Variants in IL1RAPL2 observed in about 807,000 individuals in gnomAD.
IL1RAPL2 encodes the protein interleukin 1 receptor accessory protein like 2.
Under a neutral mutation model 44.1 loss-of-function variants are expected in IL1RAPL2, and 3 were observed. The observed-to-expected ratio is 0.07, with a 90% CI of 0.03 to 0.18. The LOEUF is 0.18. IL1RAPL2 is among the 10% of genes least tolerant of loss of function. The pLI, the probability that IL1RAPL2 is intolerant of heterozygous loss-of-function variation, is 1.00. For missense variants in IL1RAPL2, 391 were observed against 496.4 expected (o/e 0.79, Z 2.02); for synonymous variants, 181 against 178.8 (o/e 1.01, Z -0.10).
chrX:105,218,796 C>A, intron 3 of IL1RAPL2: 1 of 461,641 alleles, frequency 2.2e-6, no homozygotes, highest in Non-Finnish European at 3.7e-6. Flanking sequence ...CAGTCACCAC[C>A]CCTATCTCTG....
intron 6 of IL1RAPL2, among the ~76,000 whole-genome samples, chrX:105,654,575 C>T (rs988831170): frequency 8.9e-6 from 1 of 111,829 alleles, no homozygotes; most frequent in Non-Finnish European, 1.9e-5. Context: ...TGACTATTTT[C>T]AGTCAGAATA....
chrX:105,270,756 G>T (rs773358684), intron 5 of IL1RAPL2, among the ~76,000 whole-genome samples: 1 of 111,686 alleles, frequency 9.0e-6, no homozygotes, highest in Admixed American at 9.6e-5. Flanking sequence ...TTAACAAGCA[G>T]ATTGTCTTCT....
chrX:105,240,367 G>A (rs1450675753), intron 4 of IL1RAPL2, among the ~76,000 whole-genome samples: 1 of 112,344 alleles, frequency 8.9e-6, no homozygotes, highest in African/African-American at 3.2e-5. Flanking sequence ...TACAATTTTG[G>A]TATTGGCTGA....
At chrX:105,465,703 A>G (rs1313982191) in intron 5 of IL1RAPL2, among the ~76,000 whole-genome samples, 1 of 111,899 alleles carries the variant, frequency 8.9e-6, no homozygotes, top group African/African-American at 3.2e-5. Flanking sequence ...AAGGACTAAG[A>G]AAATAATAAT....
At chrX:104,571,053 C>T (rs1044302208) in intron 1 of IL1RAPL2, among the ~76,000 whole-genome samples, 1 of 110,725 alleles carries the variant, frequency 9.0e-6, no homozygotes, top group Non-Finnish European at 1.9e-5. Context: ...ATCACTACCT[C>T]GTGCATCCTG....
intron 3 of IL1RAPL2, chrX:105,220,178 A>G: frequency 8.3e-7 from 1 of 1,211,133 alleles, no homozygotes; most frequent in Non-Finnish European, 1.1e-6. Flanking sequence ...CGCACTCCCA[A>G]GGCCAGGCTG....
Position 104,771,575 on chromosome X carries a change from GT to G in IL1RAPL2, c.82+112587del, listed in dbSNP as rs1299321230. ...CAAGCAGTGTTACCATAATAGTTGG[GT>G]TTTTTTCTTCTTTTTAATCTGTGTG... On this transcript the variant is annotated intron_variant, in intron 2 of 10. Coordinates refer to ENST00000372582, the MANE Select transcript of IL1RAPL2 (RefSeq NM_017416.2). Among the ~76,000 whole-genome samples the G allele has an allele frequency of 4.5e-5, 5 of 112,283 alleles. No homozygotes were observed. The South Asian group carries it at 1.8e-3, about 41-fold the overall frequency.
At chrX:105,076,446 G>C (rs749164668) in intron 2 of IL1RAPL2, among the ~76,000 whole-genome samples, 1 of 111,650 alleles carries the variant, frequency 9.0e-6, no homozygotes, top group Admixed American at 9.6e-5. Flanking sequence ...ATTTGCTGAG[G>C]AGTGTTTTAC....
At chrX:105,669,534 T>C (rs1272025673) in intron 6 of IL1RAPL2, among the ~76,000 whole-genome samples, 1 of 111,729 alleles carries the variant, frequency 9.0e-6, no homozygotes, top group African/African-American at 3.3e-5. Context: ...GCAATTTTTC[T>C]AATTAATTTT....
intron 6 of IL1RAPL2, among the ~76,000 whole-genome samples, chrX:105,631,408 C>T (rs753295020): frequency 1.1e-4 from 12 of 111,990 alleles, no homozygotes; most frequent in Non-Finnish European, 1.5e-4. Context: ...CCCAACCATC[C>T]ATCATCCCAT....
At chrX:104,856,212 A>C (rs1276497640) in intron 2 of IL1RAPL2, among the ~76,000 whole-genome samples, 1 of 112,182 alleles carries the variant, frequency 8.9e-6, no homozygotes, top group African/African-American at 3.2e-5. Context: ...GACTGAAGCA[A>C]ATAATTTGAG....
chrX:104,958,375 A>T (rs2147714663), intron 2 of IL1RAPL2, among the ~76,000 whole-genome samples: 1 of 107,917 alleles, frequency 9.3e-6, no homozygotes, highest in African/African-American at 3.4e-5. Context: ...CTGCCTGGAA[A>T]TTGATAGTCC....
chrX:105,488,494 T>C (rs1416598001), intron 6 of IL1RAPL2, among the ~76,000 whole-genome samples: 2 of 112,437 alleles, frequency 1.8e-5, no homozygotes, highest in African/African-American at 6.5e-5. Context: ...TGAACTCTTC[T>C]CAAATTTATG....
intron 2 of IL1RAPL2, among the ~76,000 whole-genome samples, chrX:104,783,277 C>T (rs759447365): frequency 9.9e-5 from 11 of 111,318 alleles, no homozygotes; most frequent in African/African-American, 2.9e-4. Context: ...TTCTCCAGAA[C>T]TTTAGGATGA....
chrX:105,557,902 A>G (rs1187262149), intron 6 of IL1RAPL2, among the ~76,000 whole-genome samples: 2 of 111,733 alleles, frequency 1.8e-5, no homozygotes, highest in African/African-American at 3.2e-5. Flanking sequence ...TTATTTTGTC[A>G]TTTGTCTCAG....
At chrX:105,035,071 G>GT (rs2031602137) in intron 2 of IL1RAPL2, among the ~76,000 whole-genome samples, 1 of 111,623 alleles carries the variant, frequency 9.0e-6, no homozygotes, top group Non-Finnish European at 1.9e-5. Context: ...CTGGTGTGCC[G>GT]TTTTTTTAAG....
chrX:105,447,108 A>ATATATATATATATAT (rs2035963967), intron 5 of IL1RAPL2, among the ~76,000 whole-genome samples: 5 of 20,600 alleles, frequency 2.4e-4, no homozygotes, highest in East Asian at 1.4e-3. Flanking sequence ...TATATATATA[A>ATATATATATATATAT]AAATATATAT....
intron 2 of IL1RAPL2, among the ~76,000 whole-genome samples, chrX:105,163,348 TTTGTAG>T (rs972712501): frequency 1.8e-5 from 2 of 111,771 alleles, no homozygotes; most frequent in African/African-American, 6.5e-5. Flanking sequence ...GTGCACCAGG[TTTGTAG>T]TTACTTATTT....
intron 2 of IL1RAPL2, among the ~76,000 whole-genome samples, chrX:104,956,353 G>A (rs774691203): frequency 3.6e-5 from 4 of 111,884 alleles, no homozygotes; most frequent in African/African-American, 9.7e-5. Context: ...CAGGTGTGGT[G>A]GCTCAGGCCT....
Sources: allele counts gnomAD v4.1 joint callset (sites outside exome capture counted in the v4.1 genomes callset), GRCh38; gene constraint gnomAD v4.1.1; transcripts MANE v1.5; gene names NCBI Gene and HGNC (gene_info 2026-07-23, HGNC 2026-07-21).